Variants in ITGBL1 observed in about 807,000 individuals in gnomAD.
ITGBL1 encodes the protein integrin beta-like protein 1.
A neutral mutation model predicts 68.5 loss-of-function variants in ITGBL1; 51 were observed. That is an observed-to-expected ratio of 0.74 (90% CI 0.59 to 0.94). The LOEUF (loss-of-function observed/expected upper bound fraction) is 0.94, where lower values mean the gene tolerates loss of function less well. Ranked by LOEUF, ITGBL1 falls within the 40% of genes least tolerant of loss-of-function variation. ITGBL1 has a pLI of 0.00. For missense variants in ITGBL1, 649 were observed against 647.4 expected, an observed-to-expected ratio of 1.00 and a Z score of -0.03; for synonymous variants, 209 against 227.3, an observed-to-expected ratio of 0.92 and a Z score of 0.72.
At chr13:101,615,987 T>C (rs2031344285) in intron 7 of ITGBL1, among the ~76,000 whole-genome samples, 1 of 152,138 alleles carries the variant, frequency 6.6e-6, no homozygotes, top group South Asian at 2.1e-4. Flanking sequence ...TAGATATCTG[T>C]TGTTTATGAG....
At chr13:101,573,922 G>A (rs2243676) in intron 3 of ITGBL1, among the ~76,000 whole-genome samples, 34,401 of 151,986 alleles carry the variant, frequency 0.23, 3,888 homozygotes, top group African/African-American at 0.24. Context: ...AATATCCCCA[G>A]ATGTATTTGT....
intron 7 of ITGBL1, among the ~76,000 whole-genome samples, chr13:101,681,705 G>T (rs1243416942): frequency 6.6e-6 from 1 of 152,104 alleles, no homozygotes; most frequent in African/African-American, 2.4e-5. Flanking sequence ...TGAGATATTG[G>T]TTGTGGTTGA....
intron 7 of ITGBL1, among the ~76,000 whole-genome samples, chr13:101,665,838 C>G (rs947082594): frequency 6.6e-6 from 1 of 152,050 alleles, no homozygotes; most frequent in African/African-American, 2.4e-5. Flanking sequence ...CTGCCAAAAC[C>G]ACAGCGTTGC....
intron 7 of ITGBL1, among the ~76,000 whole-genome samples, chr13:101,634,490 T>C (rs2032099751): frequency 6.6e-6 from 1 of 152,134 alleles, no homozygotes; most frequent in South Asian, 2.1e-4. Flanking sequence ...AGTTTAGGGA[T>C]ATGCAAAGTA....
intron 2 of ITGBL1, among the ~76,000 whole-genome samples, chr13:101,534,413 A>G (rs752442440): frequency 1.8e-4 from 27 of 152,180 alleles, no homozygotes; most frequent in Non-Finnish European, 2.9e-4. Flanking sequence ...ACTAAAAGAT[A>G]AGACAATTTA....
At chr13:101,598,690 G>GT (rs2030150138) in intron 7 of ITGBL1, among the ~76,000 whole-genome samples, 1 of 152,138 alleles carries the variant, frequency 6.6e-6, no homozygotes, top group East Asian at 1.9e-4. Flanking sequence ...GCCGTGTTTG[G>GT]TTTTTTGTCC....
At chr13:101,453,828 C>G (rs2048197205) in intron 1 of ITGBL1, 55 bp from the exon 2 acceptor site, 2 of 1,160,536 alleles carry the variant, frequency 1.7e-6, no homozygotes, top group East Asian at 6.8e-5. Context: ...GGGTTCGGAG[C>G]AGGGGGCGGC....
intron 9 of ITGBL1, 65 bp downstream of exon 9, chr13:101,706,967 G>T (rs1291686172): frequency 1.3e-6 from 2 of 1,521,574 alleles, no homozygotes. Context: ...AGAACAGCAT[G>T]TAGCAACTGT....
At chr13:101,485,628 T>C (rs999333041) in intron 2 of ITGBL1, among the ~76,000 whole-genome samples, 2 of 151,982 alleles carry the variant, frequency 1.3e-5, no homozygotes, top group African/African-American at 4.8e-5. Flanking sequence ...CCGTCTCTAC[T>C]AAAAATACAA....
intron 2 of ITGBL1, among the ~76,000 whole-genome samples, chr13:101,549,950 A>G (rs2049893970): frequency 6.6e-6 from 1 of 152,206 alleles, no homozygotes; most frequent in Non-Finnish European, 1.5e-5. Context: ...ACTTCTGCAC[A>G]AAGATGCTCC....
intron 2 of ITGBL1, among the ~76,000 whole-genome samples, chr13:101,543,395 T>C (rs1374448986): frequency 2.6e-5 from 4 of 152,236 alleles, no homozygotes; most frequent in African/African-American, 9.6e-5. Context: ...CCCCACCCTC[T>C]TCTGGCTTGT....
At chr13:101,558,901 T>TTG (rs970542236) in intron 2 of ITGBL1, among the ~76,000 whole-genome samples, 7 of 99,302 alleles carry the variant, frequency 7.0e-5, no homozygotes, top group South Asian at 3.9e-4. Context: ...GTATTTGTAT[T>TTG]TGTGTGTGTA....
intron 7 of ITGBL1, among the ~76,000 whole-genome samples, chr13:101,674,312 C>G (rs960403065): frequency 1.3e-5 from 2 of 152,166 alleles, no homozygotes; most frequent in Admixed American, 6.5e-5. Context: ...TGTAACCCTC[C>G]TCACTTTACC....
At chr13:101,599,639 T>G (rs2030229189) in intron 7 of ITGBL1, among the ~76,000 whole-genome samples, 7 of 150,140 alleles carry the variant, frequency 4.7e-5, no homozygotes, top group African/African-American at 1.2e-4. Context: ...GGATCCAGTT[T>G]CAGCTTTCTA....
At chr13:101,677,767 T>C (rs189905247) in intron 7 of ITGBL1, among the ~76,000 whole-genome samples, 137 of 152,314 alleles carry the variant, frequency 9.0e-4, no homozygotes, top group African/African-American at 3.1e-3. Flanking sequence ...CTATGATGAA[T>C]GTGCTGTAAA....
chr13:101,571,318 C>T (rs1009964411), intron 3 of ITGBL1, among the ~76,000 whole-genome samples: 2 of 152,144 alleles, frequency 1.3e-5, no homozygotes, highest in East Asian at 3.9e-4. Flanking sequence ...CACTTCCCCC[C>T]ACTCACTGTA....
chr13:101,586,473 C>T (rs1019002640), intron 6 of ITGBL1, among the ~76,000 whole-genome samples: 2 of 152,170 alleles, frequency 1.3e-5, no homozygotes, highest in Non-Finnish European at 1.5e-5. Flanking sequence ...TGGACCCTTG[C>T]TGAGTTCTTT....
At chr13:101,499,900 G>A (rs535776454) in intron 2 of ITGBL1, among the ~76,000 whole-genome samples, 2 of 152,276 alleles carry the variant, frequency 1.3e-5, no homozygotes, top group East Asian at 1.9e-4. Context: ...CTTCTGCTGC[G>A]TCAGCCTCCT....
chr13:101,485,518 A>G (rs1278304004), intron 2 of ITGBL1, among the ~76,000 whole-genome samples: 1 of 152,174 alleles, frequency 6.6e-6, no homozygotes, highest in Non-Finnish European at 1.5e-5. Context: ...GAATGGCCGT[A>G]ATTAGGCCAG....
Sources: allele counts gnomAD v4.1 joint callset (sites outside exome capture counted in the v4.1 genomes callset), GRCh38; gene constraint gnomAD v4.1.1; transcripts MANE v1.5; gene names NCBI Gene and HGNC (gene_info 2026-07-23, HGNC 2026-07-21).